The following PAK5 variants were observed in gnomAD, a reference collection of about 807,000 sequenced individuals.
PAK5 encodes the protein serine/threonine-protein kinase PAK 5.
Under a neutral mutation model 65.9 loss-of-function variants are expected in PAK5, and 16 were observed. That is an observed-to-expected ratio of 0.24 (90% CI 0.16 to 0.37). The LOEUF (loss-of-function observed/expected upper bound fraction) is 0.37, where lower values mean the gene tolerates loss of function less well. Among genes scored for constraint, PAK5 ranks in the 10% least tolerant of loss-of-function variants. PAK5 has a pLI of 1.00. For synonymous variants in PAK5, 371 were observed against 354.9 expected (o/e 1.05, Z -0.51); for missense variants, 785 against 903.9 (o/e 0.87, Z 1.69).
At chr20:9,700,135 G>A (rs560492623) in intron 2 of PAK5, among the ~76,000 whole-genome samples, 2 of 152,272 alleles carry the variant, frequency 1.3e-5, no homozygotes, top group East Asian at 3.9e-4. Context: ...TGTTCTGCCA[G>A]GCACAGCGGC....
chr20:9,806,378 C>T (rs545031243), intron 1 of PAK5, among the ~76,000 whole-genome samples: 1 of 152,098 alleles, frequency 6.6e-6, no homozygotes, highest in Non-Finnish European at 1.5e-5. Flanking sequence ...GTTCCTGCAT[C>T]TTGAATTTTC....
intron 1 of PAK5, among the ~76,000 whole-genome samples, chr20:9,738,012 G>T (rs1348538947): frequency 6.6e-6 from 1 of 152,158 alleles, no homozygotes; most frequent in Middle Eastern, 3.4e-3. Context: ...GTGGTGGCAC[G>T]TGCCTGTAGT....
intron 1 of PAK5, among the ~76,000 whole-genome samples, chr20:9,791,785 C>T (rs1041087603): frequency 1.3e-5 from 2 of 152,052 alleles, no homozygotes; most frequent in African/African-American, 4.8e-5. Flanking sequence ...GGTGGGTGAC[C>T]CATGAGCCTC....
rs1347241503 is a variant in PAK5, at chr20:9,563,815, T to G, written c.1483-791A>C. On this transcript the variant is annotated intron_variant, in intron 5 of 9. Transcript: ENST00000353224. Reference sequence around the variant, plus strand: ...GGAAAGATGCTGAAGCCCAGTCACCTGGAACTCTCTGTGAGATTTGGAGCG... The same window carrying G: ...GGAAAGATGCTGAAGCCCAGTCACCGGGAACTCTCTGTGAGATTTGGAGCG... Among the ~76,000 whole-genome samples the G allele has an allele frequency of 2.0e-5, 3 of 152,186 alleles. No homozygotes were observed. The East Asian group carries it at 5.8e-4, about 29-fold the overall frequency.
intron 4 of PAK5, among the ~76,000 whole-genome samples, chr20:9,576,517 A>G (rs570880583): frequency 3.9e-5 from 6 of 152,310 alleles, no homozygotes; most frequent in Admixed American, 3.3e-4. Context: ...ATGAAGAATT[A>G]CTAGGTCCAA....
intron 2 of PAK5, among the ~76,000 whole-genome samples, chr20:9,696,925 T>C (rs997365526): frequency 6.6e-6 from 1 of 152,060 alleles, no homozygotes; most frequent in Non-Finnish European, 1.5e-5. Flanking sequence ...GCCAGACACC[T>C]AGTAAGTTCT....
chr20:9,742,781 A>G lies in PAK5; in HGVS notation c.-161-31346T>C, dbSNP rs905191015. On this transcript the variant is annotated intron_variant, in intron 1 of 9. Coordinates refer to ENST00000353224, the MANE Select transcript of PAK5 (RefSeq NM_177990.4). ...AGTCATAAGCAAACATTCCTCAAAC[A>G]TGCCTAAAACATAATTCACGTGTAG... Among the ~76,000 whole-genome samples the G allele has an allele frequency of 2.6e-5, 4 of 152,182 alleles. 1 individual carries two copies.
At chr20:9,777,014 A>C (rs1330779105) in intron 1 of PAK5, among the ~76,000 whole-genome samples, 6 of 152,210 alleles carry the variant, frequency 3.9e-5, no homozygotes, top group Non-Finnish European at 8.8e-5. Context: ...AAAGAAATGG[A>C]AAGGTATTAG....
intron 2 of PAK5, among the ~76,000 whole-genome samples, chr20:9,650,125 T>C (rs764876235): frequency 6.6e-6 from 1 of 152,332 alleles, no homozygotes; most frequent in Non-Finnish European, 1.5e-5. Flanking sequence ...CAGATATGCA[T>C]AGCTCCTGTA....
At chr20:9,743,049 G>T (rs1034363160) in intron 1 of PAK5, among the ~76,000 whole-genome samples, 1 of 152,108 alleles carries the variant, frequency 6.6e-6, no homozygotes, top group African/African-American at 2.4e-5. Context: ...AGTCATGTAG[G>T]CTCCCTACCT....
intron 1 of PAK5, among the ~76,000 whole-genome samples, chr20:9,770,002 GA>G (rs2048814999): frequency 6.6e-6 from 1 of 152,186 alleles, no homozygotes. Context: ...AAGGGCAGTA[GA>G]AAAGTAGGGT....
intron 1 of PAK5, among the ~76,000 whole-genome samples, chr20:9,715,071 T>G (rs2048125771): frequency 6.6e-6 from 1 of 152,164 alleles, no homozygotes; most frequent in Admixed American, 6.5e-5. Flanking sequence ...AAAGATCTTC[T>G]GCACAGCAAA....
At chr20:9,759,147 G>A (rs1011921350) in intron 1 of PAK5, among the ~76,000 whole-genome samples, 6 of 152,072 alleles carry the variant, frequency 3.9e-5, no homozygotes, top group African/African-American at 1.2e-4. Flanking sequence ...CGTCCTACAA[G>A]ATAACAAATC....
At chr20:9,832,181 A>G (rs1483259474) in intron 1 of PAK5, among the ~76,000 whole-genome samples, 1 of 152,078 alleles carries the variant, frequency 6.6e-6, no homozygotes, top group Admixed American at 6.5e-5. Flanking sequence ...TTTTACCTGC[A>G]TCTACTTCCT....
chr20:9,750,950 T>C lies in PAK5; in HGVS notation c.-161-39515A>G, dbSNP rs116213666. 5.1e-4 allele frequency among the ~76,000 whole-genome samples: 78 copies of C among 152,286 alleles called. 1 individual carries two copies. The highest frequency in any genetic ancestry group is 1.8e-3 in the African/African-American group (74 of 41,568). On this transcript the variant is annotated intron_variant, in intron 1 of 9. Transcript: ENST00000353224. ...CCAGGCCACATGTCTGTGCCCTAGC[T>C]ACCAAGAAAGTTGACAGTGTATGGC... is the stretch of plus-strand genomic sequence containing the variant.
intron 2 of PAK5, among the ~76,000 whole-genome samples, chr20:9,705,455 T>A (rs910097288): frequency 8.5e-5 from 13 of 152,304 alleles, no homozygotes; most frequent in Admixed American, 6.5e-4. Context: ...GGAATAGTCA[T>A]ATACCACTTG....
chr20:9,539,347 C>T lies in PAK5; in HGVS notation c.*115G>A. ...AACCCTGCCGGTCATCACGCTGTCC[C>T]ACCAATTGGCTGGTCTAGAATGCAC... On this transcript the variant is annotated 3_prime_UTR_variant, in exon 10 of 10. Transcript: ENST00000353224. 1.0e-6 allele frequency: 1 copy of T among 977,248 alleles called. No individual in the cohort carries two copies. The highest frequency in any genetic ancestry group is 1.6e-6 in the Non-Finnish European group (1 of 635,388). The allele number at this position is 977,248 out of a possible 1,614,324, so 60.5% of individuals were successfully genotyped here.
chr20:9,710,607 G>A (rs545018162), intron 2 of PAK5, among the ~76,000 whole-genome samples: 2 of 152,104 alleles, frequency 1.3e-5, no homozygotes, highest in African/African-American at 4.8e-5. Context: ...CACCCTGCGT[G>A]GGGGGTAGTA....
intron 3 of PAK5, among the ~76,000 whole-genome samples, chr20:9,588,123 T>C (rs1402184204): frequency 6.6e-6 from 1 of 151,274 alleles, no homozygotes; most frequent in Non-Finnish European, 1.5e-5. Context: ...CACCATGCTC[T>C]TACTATAAGG....
Sources: gnomAD v4.1 joint callset for allele counts (sites outside exome capture counted in the v4.1 genomes callset) on GRCh38, gnomAD v4.1.1 for gene constraint, MANE v1.5 for transcripts, NCBI Gene and HGNC (gene_info 2026-07-23, HGNC 2026-07-21) for gene names.